Variants in TLE5 observed in about 807,000 individuals in gnomAD.
TLE5 encodes TLE family member 5.
Under a neutral mutation model 25.8 loss-of-function variants are expected in TLE5, and 7 were observed. The observed-to-expected ratio is 0.27, with a 90% CI of 0.15 to 0.51. The LOEUF (loss-of-function observed/expected upper bound fraction) is 0.51, where lower values mean the gene tolerates loss of function less well. TLE5 is among the 20% of genes least tolerant of loss of function. The probability of loss-of-function intolerance (pLI) is 0.97; values close to 1 mark genes in which losing one functional copy is unlikely to be tolerated. For synonymous variants in TLE5, 132 were observed against 110.5 expected (o/e 1.20, Z -1.22); for missense variants, 149 against 250.7 (o/e 0.59, Z 2.74).
intron 4 of TLE5, 71 bp from the exon 5 acceptor site, chr19:3,055,797 G>C (rs2090211973): frequency 6.7e-7 from 1 of 1,495,170 alleles, no homozygotes; most frequent in African/African-American, 1.4e-5. Flanking sequence ...CAGGAGGCCT[G>C]CGCGGGGCCC....
chr19:3,056,578 TG>T, intron 3 of TLE5: 1 of 660,734 alleles, frequency 1.5e-6, no homozygotes. Flanking sequence ...AGGGGGCCGC[TG>T]GGGCTGCGGA....
intron 3 of TLE5, 181 bp downstream of exon 3, chr19:3,057,498 T>TGCTAGCCTGGCAGATG: frequency 1.6e-6 from 1 of 624,424 alleles, no homozygotes; most frequent in Non-Finnish European, 2.8e-6. Context: ...CTCGGCCATC[T>TGCTAGCCTGGCAGATG]GCCAGGCTAG....
intron 2 of TLE5, among the ~76,000 whole-genome samples, chr19:3,060,745 G>T (rs571241880): frequency 6.6e-5 from 10 of 152,322 alleles, no homozygotes; most frequent in African/African-American, 2.2e-4. Flanking sequence ...GCACCTTGGA[G>T]AATCTGACGG....
intron 3 of TLE5, chr19:3,057,405 C>T (rs376710675): frequency 4.2e-6 from 2 of 474,696 alleles, no homozygotes; most frequent in African/African-American, 2.0e-5. Context: ...GCCTCCCTCT[C>T]CTCCCTCCTC....
chr19:3,053,833 C>T lies in TLE5; in HGVS notation c.580G>A (p.Glu194Lys), dbSNP rs763818686. 6.2e-6 allele frequency: 10 copies of T among 1,613,244 alleles called. No homozygotes were observed. Among genetic ancestry groups the T allele is most frequent in the South Asian group, 4.4e-5 (4 of 91,090 alleles). The change falls in exon 7 of 7, where the codon GAG becomes AAG. Residue 194 changes from glutamate (E) to lysine (K), a missense_variant. Transcript: ENST00000327141. ...DGDTHQEDDG[E>K]KSD The stretch of plus-strand genomic sequence containing the variant: ...CCGGCCCCCTGCTAATCCGACTTCT[C>T]GCCATCATCCTCCTGGTGGGTGTCA...
intron 6 of TLE5, 34 bp downstream of exon 6, chr19:3,054,086 T>C (rs1191613834): frequency 2.0e-6 from 3 of 1,513,854 alleles, no homozygotes; most frequent in Non-Finnish European, 2.7e-6. Flanking sequence ...GGCCCACCTG[T>C]CCCCCGCCCA....
At chr19:3,058,588 G>A (rs2090239709) in intron 2 of TLE5, among the ~76,000 whole-genome samples, 1 of 152,172 alleles carries the variant, frequency 6.6e-6, no homozygotes, top group African/African-American at 2.4e-5. Flanking sequence ...TTCTTTAGCT[G>A]GGACAAAACA....
Position 3,055,718 on chromosome 19 carries a change from G to T in TLE5, c.243C>A (p.Ile81=). The change falls in exon 5 of 7, where the codon ATC becomes ATA. Residue 81 remains isoleucine, a synonymous_variant. Transcript: ENST00000327141. ...LNIEMHKQAE[I]VKRLNGICAQ... is the part of the protein sequence containing the mutation. ...CACAAATCCCGTTCAGCCTTTTGAC[G>T]ATCTCAGCCTGGAACACACAGATGA... The T allele has an allele frequency of 6.2e-7, 1 of 1,608,584 alleles. No homozygotes were observed. The highest frequency in any genetic ancestry group is 2.2e-5 in the East Asian group (1 of 44,680).
chr19:3,056,095 G>GA (rs371634157), intron 4 of TLE5: 24 of 522,818 alleles, frequency 4.6e-5, no homozygotes, highest in African/African-American at 4.4e-4. Flanking sequence ...CCACCACCGG[G>GA]AGAAACACTC....
chr19:3,061,079 G>A (rs2090262047), intron 2 of TLE5, 81 bp downstream of exon 2: 2 of 1,019,316 alleles, frequency 2.0e-6, no homozygotes, highest in East Asian at 4.8e-5. Flanking sequence ...CAATCTCCAG[G>A]CCTCAGCCTT....
At chr19:3,055,924 C>G in intron 4 of TLE5, 198 bp from the exon 5 acceptor site, 3 of 548,228 alleles carry the variant, frequency 5.5e-6, no homozygotes, top group Non-Finnish European at 9.6e-6. Context: ...GGGCTGGACA[C>G]CGGCTGTCGC....
chr19:3,056,228 C>G (rs2090216708), intron 4 of TLE5, 84 bp downstream of exon 4: 1 of 925,650 alleles, frequency 1.1e-6, no homozygotes, highest in East Asian at 4.0e-5. Flanking sequence ...CGCTACCTGC[C>G]TGGGGGTGCC....
At chr19:3,062,552 G>T (rs2090281414), upstream of TLE5, 2 of 764,840 alleles carry the variant, frequency 2.6e-6, no homozygotes, top group South Asian at 5.8e-5. Context: ...CCCGTGCCCC[G>T]TGCGCGCCGC....
intron 2 of TLE5, 73 bp from the exon 3 acceptor site, chr19:3,057,815 G>A (rs2090233374): frequency 7.0e-7 from 1 of 1,437,184 alleles, no homozygotes; most frequent in South Asian, 1.2e-5. Flanking sequence ...CCGTTATCCA[G>A]GGGAGGAAAC....
At chr19:3,062,066 C>T (rs1397274865) in intron 1 of TLE5, 108 bp downstream of exon 1, 27 of 243,602 alleles carry the variant, frequency 1.1e-4, no homozygotes, top group Non-Finnish European at 1.4e-4. Context: ...GGCGCCGGGC[C>T]GGAGGCACCG....
rs1055497331 is a variant in TLE5, at chr19:3,061,006, T to G, written c.125+154A>C. On this transcript the variant is annotated intron_variant, in intron 2 of 6. Transcript: ENST00000327141. ...TTCTCCTCTACAAAATGGGGCTGTTTAAAATAAATGAATTCAGTATTTGTC... is the reference window on the plus strand; with the variant it reads ...TTCTCCTCTACAAAATGGGGCTGTTGAAAATAAATGAATTCAGTATTTGTC... 4.4e-5 allele frequency: 26 copies of G among 588,422 alleles called. No individual in the cohort carries two copies. The South Asian group carries it at 5.3e-4, about 12-fold the overall frequency. The allele number at this position is 588,422 out of a possible 1,614,324, so 36.5% of individuals were successfully genotyped here.
intron 1 of TLE5, among the ~76,000 whole-genome samples, chr19:3,061,590 T>A (rs1423330209): frequency 6.7e-6 from 1 of 149,622 alleles, no homozygotes; most frequent in South Asian, 2.1e-4. Context: ...CCGAGGGGGG[T>A]AGAAACGCGC....
chr19:3,057,031 C>T (rs1455585063), intron 3 of TLE5, among the ~76,000 whole-genome samples: 2 of 152,172 alleles, frequency 1.3e-5, no homozygotes, highest in South Asian at 2.1e-4. Context: ...CAGCCCTATT[C>T]TTCTGGCTGG....
intron 3 of TLE5, 50 bp from the exon 4 acceptor site, chr19:3,056,406 G>C: frequency 2.1e-6 from 1 of 465,666 alleles, no homozygotes; most frequent in Non-Finnish European, 3.9e-6. Flanking sequence ...GGGGAAGGAT[G>C]GGGGGACACG....
Sources: allele counts gnomAD v4.1 joint callset (sites outside exome capture counted in the v4.1 genomes callset), GRCh38; gene constraint gnomAD v4.1.1; transcripts MANE v1.5; gene names NCBI Gene and HGNC (gene_info 2026-07-23, HGNC 2026-07-21).